Variants in MKI67 observed in about 807,000 individuals in gnomAD.
The protein encoded by MKI67 is marker of proliferation Ki-67, also known as proliferation marker protein Ki-67.
Under a neutral mutation model 233.5 loss-of-function variants are expected in MKI67, and 152 were observed. The observed-to-expected ratio is 0.65, with a 90% CI of 0.57 to 0.74. The LOEUF (loss-of-function observed/expected upper bound fraction) is 0.74, where lower values mean the gene tolerates loss of function less well. MKI67 is among the 30% of genes least tolerant of loss of function. The pLI, the probability that MKI67 is intolerant of heterozygous loss-of-function variation, is 0.00. For synonymous variants in MKI67, 1,465 were observed against 1,418.5 expected, an observed-to-expected ratio of 1.03 and a Z score of -0.74; for missense variants, 3,940 against 3,885.2, an observed-to-expected ratio of 1.01 and a Z score of -0.37.
At position 128,104,297 on chromosome 10, in the gene MKI67, G is replaced by A. The variant is rs1037951558; in HGVS notation, c.7543C>T (p.Pro2515Ser). 1 of 1,614,108 alleles carries A rather than the reference G, an allele frequency of 6.2e-7. No homozygotes were observed. The highest frequency in any genetic ancestry group is 8.5e-7 in the Non-Finnish European group (1 of 1,180,032). The part of the protein sequence containing the change: ...SGETTQTHTE[P>S]TGDSKSIKAF... Reference sequence around the variant, plus strand: ...TTGATGCTCTTACTATCTCCTGTTGGCTCTGTGTGTGTTTGCGTAGTCTCC... The same window carrying A: ...TTGATGCTCTTACTATCTCCTGTTGACTCTGTGTGTGTTTGCGTAGTCTCC... Residue 2515 changes from proline to serine, a missense_variant, in exon 13 of 15, where the codon CCA (proline) becomes TCA (serine). Physicochemically the swap from Pro to Ser is moderately conservative, Grantham distance 74. Transcript: ENST00000368654.
chr10:128,105,813 T>A lies in MKI67; in HGVS notation c.6027A>T (p.Lys2009Asn). 6.2e-7 allele frequency: 1 copy of A among 1,614,190 alleles called. No homozygotes were observed. Among genetic ancestry groups the A allele is most frequent in the Non-Finnish European group, 8.5e-7 (1 of 1,180,032 alleles). Residue 2009 changes from lysine (K) to asparagine (N), a missense_variant, in exon 13 of 15, where the codon AAA (lysine) becomes AAT (asparagine). Lys to Asn is a moderately conservative substitution (Grantham distance 94). Transcript: ENST00000368654. ...GCTTGCCGACTGGTAGGACCTCTTC[T>A]TTCACACCTACTTTCCCCAAGGATA... Reference protein sequence around the residue: ...LKISLGKVGVKEEVLPVGKLT... With the variant: ...LKISLGKVGVNEEVLPVGKLT...
chr10:128,113,185 C>T (rs956906376), intron 8 of MKI67, among the ~76,000 whole-genome samples: 12 of 149,782 alleles, frequency 8.0e-5, no homozygotes, highest in East Asian at 1.9e-4. Flanking sequence ...AACTTCTGCA[C>T]GAAAAGGACA....
At chr10:128,109,864 T>G (rs1190034971) in intron 12 of MKI67, among the ~76,000 whole-genome samples, 1 of 152,204 alleles carries the variant, frequency 6.6e-6, no homozygotes, top group African/African-American at 2.4e-5. Flanking sequence ...GCAAACATCT[T>G]CAGGGTAGCA....
Position 128,101,248 on chromosome 10 carries a change from A to T in MKI67, c.9705+10T>A. ...TGTCTTTTAAAACAGGGAAACAGTA[A>T]ATGGCTTACCTTCTTTGGATTTTCT... On this transcript the variant is annotated intron_variant, in intron 14 of 14. Coordinates refer to ENST00000368654, the MANE Select transcript of MKI67 (RefSeq NM_002417.5). The T allele has an allele frequency of 6.2e-7, 1 of 1,604,288 alleles. No homozygotes were observed. The highest frequency in any genetic ancestry group is 8.5e-7 in the Non-Finnish European group (1 of 1,172,518).
chr10:128,123,037 G>T, intron 3 of MKI67, 41 bp from the exon 4 acceptor site: 1 of 1,571,176 alleles, frequency 6.4e-7, no homozygotes, highest in Non-Finnish European at 8.8e-7. Flanking sequence ...CTAATGAACA[G>T]ATTAAAAGTG....
chr10:128,116,578 CTAAATGA>C (rs778053958), intron 5 of MKI67, 42 bp from the exon 6 acceptor site: 1 of 1,549,172 alleles, frequency 6.5e-7, no homozygotes, highest in East Asian at 2.2e-5. Context: ...GCAGGTCTTT[CTAAATGA>C]TGACAGTCAC....
At position 128,113,558 on chromosome 10, in the gene MKI67, C is replaced by G. The variant is rs1244846512; in HGVS notation, c.1525G>C (p.Gly509Arg). 4 of 1,614,122 alleles carry G rather than the reference C, an allele frequency of 2.5e-6. No individual in the cohort carries two copies. The African/African-American group carries it at 5.3e-5, about 22-fold the overall frequency. The change falls in exon 8 of 15, where the codon GGT becomes CGT. Residue 509 changes from glycine to arginine, a missense_variant. By Grantham distance (125) the Gly-to-Arg change is moderately radical. Transcript: ENST00000368654. ...IPLKRRRVSF[G>R]GHLRPELFDE... ...AATAGTTCAGGTCTTAGGTGCCCAC[C>G]AAAGGACACACGCCTTCTTTTCAAA...
rs565255809 is a variant in MKI67, at chr10:128,103,722, G to C, written c.8118C>G (p.Cys2706Trp). The change falls in exon 13 of 15, where the codon TGC becomes TGG. Residue 2706 changes from cysteine to tryptophan, a missense_variant. Cys to Trp is a radical substitution (Grantham distance 215). Transcript: ENST00000368654. ...LTAGKATKIP[C>W]ESPPLEVVDT... ...CTACCACTTCTAGTGGGGGAGATTC[G>C]CAGGGTATTTTAGTGGCTTTGCCAG... The C allele has an allele frequency of 1.2e-6, 2 of 1,614,064 alleles. No homozygotes were observed. Among genetic ancestry groups the C allele is most frequent in the African/African-American group, 1.3e-5 (1 of 75,014 alleles).
intron 13 of MKI67, among the ~76,000 whole-genome samples, chr10:128,102,101 TC>T: frequency 6.6e-6 from 1 of 152,226 alleles, no homozygotes; most frequent in Non-Finnish European, 1.5e-5. Flanking sequence ...TTCTGGAGTT[TC>T]CCCAAACTTC....
chr10:128,102,348 C>T (rs1334425171), intron 13 of MKI67, among the ~76,000 whole-genome samples: 3 of 152,200 alleles, frequency 2.0e-5, no homozygotes, highest in Non-Finnish European at 4.4e-5. Context: ...TTTTGAGAAA[C>T]TCTTCTAAGT....
intron 3 of MKI67, 35 bp downstream of exon 3, chr10:128,123,056 A>T (rs1309643437): frequency 6.3e-7 from 1 of 1,594,778 alleles, no homozygotes; most frequent in Non-Finnish European, 8.6e-7. Flanking sequence ...TGAACTAAAA[A>T]GCTTTAAAAG....
In MKI67 at chr10:128,115,393, G is replaced by A. The variant is rs781189935; in HGVS notation, c.1015C>T (p.Leu339Phe). The change falls in exon 7 of 15, where the codon CTC (leucine) becomes TTC (phenylalanine). Residue 339 changes from leucine (L) to phenylalanine (F), a missense_variant. Transcript: ENST00000368654. ...PSKAVGASFP[L>F]YEPAKMKTPV... ...GTCTTCATTTTAGCCGGCTCATAGAGAGGAAAGCTGGCGCCCACAGCCTTG... is the reference window on the plus strand; with the variant it reads ...GTCTTCATTTTAGCCGGCTCATAGAAAGGAAAGCTGGCGCCCACAGCCTTG... The A allele has an allele frequency of 3.7e-6, 6 of 1,614,044 alleles. No homozygotes were observed. Among genetic ancestry groups the A allele is most frequent in the Non-Finnish European group, 5.1e-6 (6 of 1,180,040 alleles).
Position 128,103,623 on chromosome 10 carries a change from T to C in MKI67, c.8217A>G (p.Ala2739=). 1 of 1,614,214 alleles carries C rather than the reference T, an allele frequency of 6.2e-7. No homozygotes were observed. Among genetic ancestry groups the C allele is most frequent in the Non-Finnish European group, 8.5e-7 (1 of 1,180,040 alleles). Residue 2739 remains alanine, a synonymous_variant, in exon 13 of 15, where the codon GCA becomes GCG. Transcript: ENST00000368654. ...CCCCTGATGTTTGTGTGAACTTGAC[T>C]GCTGAAGGCTCTTCTTTTACTTGTA... ...QKVQVKEEPS[A]VKFTQTSGET... is the part of the protein sequence containing the mutation.
At chr10:128,120,525 GAA>G (rs1033630219) in intron 4 of MKI67, among the ~76,000 whole-genome samples, 1 of 151,270 alleles carries the variant, frequency 6.6e-6, no homozygotes, top group Non-Finnish European at 1.5e-5. Flanking sequence ...AAAAGAAAAA[GAA>G]AAAAAGAAAA....
rs780476628 is a variant in MKI67 at position 128,107,261 on chromosome 10, G to A, written c.4579C>T (p.Leu1527Phe). 3.1e-6 allele frequency: 5 copies of A among 1,613,884 alleles called. No homozygotes were observed. The part of the protein sequence containing the change: ...KVDVEEEFFA[L>F]RKRTPSAGKA... Reference sequence around the variant, plus strand: ...CCTGCTGATGGTGTTCGTTTCCTGAGTGCGAAGAATTCTTCTTCTACGTCC... The same window carrying A: ...CCTGCTGATGGTGTTCGTTTCCTGAATGCGAAGAATTCTTCTTCTACGTCC... The change falls in exon 13 of 15, where the codon CTC (leucine) becomes TTC (phenylalanine). Residue 1527 changes from leucine (L) to phenylalanine (F), a missense_variant. Transcript: ENST00000368654.
Position 128,101,556 on chromosome 10 carries a change from G to T in MKI67, c.9407C>A (p.Pro3136Gln). ...TATGGGTTTCCGGGCTCCATCATCT[G>T]GATTCTGAATGTCCATCTCTGGGGA... The part of the protein sequence containing the change: ...KTSPEMDIQN[P>Q]DDGARKPIPR... Residue 3136 changes from proline to glutamine, a missense_variant, in exon 14 of 15, where the codon CCA becomes CAA. Pro to Gln is a moderately conservative substitution (Grantham distance 76). Transcript: ENST00000368654. The T allele has an allele frequency of 6.2e-7, 1 of 1,614,148 alleles. No homozygotes were observed. Among genetic ancestry groups the T allele is most frequent in the East Asian group, 2.2e-5 (1 of 44,880 alleles).
At chr10:128,114,444 A>ATATG (rs1245808977) in intron 7 of MKI67, among the ~76,000 whole-genome samples, 17 of 152,244 alleles carry the variant, frequency 1.1e-4, no homozygotes, top group African/African-American at 4.1e-4. Flanking sequence ...TCATGGGTAC[A>ATATG]GTCCAGTGTT....
intron 5 of MKI67, 51 bp downstream of exon 5, chr10:128,119,202 G>A (rs1380866070): frequency 7.8e-7 from 1 of 1,290,172 alleles, no homozygotes; most frequent in East Asian, 2.3e-5. Flanking sequence ...ATACATAAAT[G>A]ATTTCATATC....
rs1853028123 is a variant in MKI67, at chr10:128,125,160, C to T, written c.92+416G>A. On this transcript the variant is annotated intron_variant, in intron 2 of 14. Coordinates refer to ENST00000368654, the MANE Select transcript of MKI67 (RefSeq NM_002417.5). The surrounding 1 kb of genome is among the most constrained non-coding windows in gnomAD (Gnocchi z 5.3). ...CAGGAAGACTTTCTGTCCCATTTTC[C>T]TATTGCCACAAGGAGCCAAGAGACA... Among the ~76,000 whole-genome samples the T allele has an allele frequency of 6.6e-6, 1 of 152,146 alleles. No homozygotes were observed. The highest frequency in any genetic ancestry group is 2.1e-4 in the South Asian group (1 of 4,824).
Sources: allele counts gnomAD v4.1 joint callset (sites outside exome capture counted in the v4.1 genomes callset), GRCh38; gene constraint gnomAD v4.1.1; non-coding constraint Gnocchi (gnomAD v3.1); transcripts MANE v1.5; gene names NCBI Gene and HGNC (gene_info 2026-07-23, HGNC 2026-07-21).